Variants in MCM3AP observed in about 807,000 individuals in gnomAD.
MCM3AP encodes minichromosome maintenance complex component 3 associated protein, also known as germinal-center associated nuclear protein.
A neutral mutation model predicts 184.1 loss-of-function variants in MCM3AP; 126 were observed. The ratio of observed to expected loss-of-function variants is 0.68; its 90% CI spans 0.59 to 0.79. MCM3AP has a LOEUF of 0.79. Ranked by LOEUF, MCM3AP falls within the 30% of genes least tolerant of loss-of-function variation. The probability of loss-of-function intolerance (pLI) is 0.00; values close to 1 mark genes in which losing one functional copy is unlikely to be tolerated. For synonymous variants in MCM3AP, 1,002 were observed against 979.3 expected, an observed-to-expected ratio of 1.02 and a Z score of -0.43; for missense variants, 2,496 against 2,479.2, an observed-to-expected ratio of 1.01 and a Z score of -0.14.
chr21:46,275,462 T>C (rs2081244244), intron 5 of MCM3AP, 137 bp from the exon 6 acceptor site: 5 of 783,604 alleles, frequency 6.4e-6, no homozygotes, highest in Non-Finnish European at 9.7e-6. Flanking sequence ...AAAACATTTG[T>C]AAAACTCAGA....
Position 46,236,899 on chromosome 21 carries a change from G to C in MCM3AP, c.5714C>G (p.Pro1905Arg). The C allele has an allele frequency of 6.4e-7, 1 of 1,564,492 alleles. No individual in the cohort carries two copies. The highest frequency in any genetic ancestry group is 8.6e-7 in the Non-Finnish European group (1 of 1,160,684). The change falls in exon 27 of 28, where the codon CCT becomes CGT. Residue 1905 changes from proline to arginine, a missense_variant. By Grantham distance (103) the Pro-to-Arg change is moderately radical (BLOSUM62 -2). Coordinates refer to ENST00000291688, the MANE Select transcript of MCM3AP (RefSeq NM_003906.5). ...GTGAGAAAGAGACACTAGAGTCTGAGGAAGATAGAGGGGAAGGGAAGTTAA... is the reference window on the plus strand; with the variant it reads ...GTGAGAAAGAGACACTAGAGTCTGACGAAGATAGAGGGGAAGGGAAGTTAA... ...TDLTSLPLYL[P>R]QTLVSLSHTI...
chr21:46,270,627 A>C, intron 8 of MCM3AP, 64 bp from the exon 9 acceptor site: 2 of 1,350,786 alleles, frequency 1.5e-6, no homozygotes, highest in East Asian at 4.7e-5. Context: ...ATTTTCATGA[A>C]GATAGATCTG....
At chr21:46,270,668 G>T in intron 8 of MCM3AP, 105 bp from the exon 9 acceptor site, 2 of 1,020,470 alleles carry the variant, frequency 2.0e-6, no homozygotes, top group Non-Finnish European at 2.9e-6. Flanking sequence ...GCCAGATGCA[G>T]TGGCTCACAC....
chr21:46,273,357 T>C (rs1451095053), intron 7 of MCM3AP, 31 bp downstream of exon 7: 1 of 1,598,560 alleles, frequency 6.3e-7, no homozygotes, highest in African/African-American at 1.3e-5. Flanking sequence ...TGCGTGGATT[T>C]TTTAGCATCC....
chr21:46,261,280 C>G lies in MCM3AP; in HGVS notation c.3467G>C (p.Arg1156Thr). The change falls in exon 14 of 28, where the codon AGG (arginine) becomes ACG (threonine). Residue 1156 changes from arginine (R) to threonine (T), a missense_variant and splice_region_variant. Physicochemically the swap from Arg to Thr is moderately conservative, Grantham distance 71. Transcript: ENST00000291688. ...EQERQRAEEE[R>T]LKQERELVLS... ...GGCTGCATGGACAAGACACACTTAC[C>G]TTTCCTCTTCAGCCCGCTGCCTCTC... The G allele has an allele frequency of 1.2e-6, 2 of 1,613,968 alleles. No individual in the cohort carries two copies. The highest frequency in any genetic ancestry group is 1.7e-5 in the Admixed American group (1 of 60,022).
chr21:46,270,287 TGACACA>T, intron 9 of MCM3AP, 108 bp downstream of exon 9: 1 of 987,834 alleles, frequency 1.0e-6, no homozygotes, highest in East Asian at 2.5e-5. Flanking sequence ...GCTGCAAGGG[TGACACA>T]GCATCAGCCT....
At chr21:46,280,619 A>G in intron 2 of MCM3AP, 44 bp from the exon 3 acceptor site, 1 of 1,354,494 alleles carries the variant, frequency 7.4e-7, no homozygotes, top group Non-Finnish European at 1.1e-6. Flanking sequence ...ATATCAGGAA[A>G]CCAAAGGAAA....
At position 46,264,169 on chromosome 21, in the gene MCM3AP, C is replaced by A. The variant is rs766687919; in HGVS notation, c.3283G>T (p.Asp1095Tyr). ...CCCGCAGAGCCAACTTCCTCACAGT[C>A]CCTCTGCAGGGCCTCCTGGATGAGC... ...DELIQEALQRDCEEVGSAGAA... is the reference protein window; with the variant it reads ...DELIQEALQRYCEEVGSAGAA... Residue 1095 changes from aspartate to tyrosine, a missense_variant, in exon 13 of 28, where the codon GAC becomes TAC. Asp to Tyr is a radical substitution (Grantham distance 160, BLOSUM62 -3). Coordinates refer to ENST00000291688, the MANE Select transcript of MCM3AP (RefSeq NM_003906.5). 4.3e-6 allele frequency: 7 copies of A among 1,613,948 alleles called. No homozygotes were observed. The highest frequency in any genetic ancestry group is 5.9e-6 in the Non-Finnish European group (7 of 1,179,972).
intron 20 of MCM3AP, chr21:46,249,634 G>C (rs770153530): frequency 4.4e-6 from 2 of 450,036 alleles, no homozygotes; most frequent in East Asian, 1.4e-4. Flanking sequence ...AAAAGACTCA[G>C]AAAATTCCCC....
chr21:46,269,659 G>A (rs545120704), intron 9 of MCM3AP, among the ~76,000 whole-genome samples: 87 of 152,254 alleles, frequency 5.7e-4, no homozygotes, highest in African/African-American at 1.9e-3. Context: ...TCCTCCCCAC[G>A]CTGTGGCCAC....
intron 12 of MCM3AP, among the ~76,000 whole-genome samples, chr21:46,264,423 C>T (rs1446985144): frequency 6.6e-6 from 1 of 152,166 alleles, no homozygotes; most frequent in Non-Finnish European, 1.5e-5. Flanking sequence ...CGGATGGCCA[C>T]ACAGCGCCCT....
chr21:46,251,606 C>T lies in MCM3AP; in HGVS notation c.4213G>A (p.Gly1405Arg), dbSNP rs1255945490. 2 of 1,612,314 alleles carry T rather than the reference C, an allele frequency of 1.2e-6. No individual in the cohort carries two copies. The highest frequency in any genetic ancestry group is 1.7e-6 in the Non-Finnish European group (2 of 1,178,460). Residue 1405 changes from glycine to arginine, a missense_variant, in exon 20 of 28, where the codon GGG becomes AGG. Transcript: ENST00000291688. ...SVDDTSSDAGGIQTLSLFNSL... is the reference protein window; with the variant it reads ...SVDDTSSDAGRIQTLSLFNSL... ...TTGAAAAGCGAAAGCGTCTGAATCCCACCAGCATCGCTGGATGTGTCATCC... is the reference window on the plus strand; with the variant it reads ...TTGAAAAGCGAAAGCGTCTGAATCCTACCAGCATCGCTGGATGTGTCATCC...
intron 27 of MCM3AP, 57 bp downstream of exon 27, chr21:46,236,772 G>T: frequency 1.7e-6 from 2 of 1,205,814 alleles, no homozygotes; most frequent in Non-Finnish European, 2.3e-6. Context: ...TTTTTCCCCA[G>T]CCATTCTCTC....
chr21:46,236,806 C>A (rs1388105742), intron 27 of MCM3AP, 23 bp downstream of exon 27: 2 of 1,495,166 alleles, frequency 1.3e-6, no homozygotes, highest in Admixed American at 5.0e-5. Flanking sequence ...TATGTAAATG[C>A]CAAATGTATA....
At chr21:46,242,166 A>G (rs1186925034) in intron 25 of MCM3AP, 1 of 152,606 alleles carries the variant, frequency 6.6e-6, no homozygotes, top group Non-Finnish European at 1.5e-5. Flanking sequence ...TGTCTATCCC[A>G]CATCCCTGTA....
chr21:46,273,003 T>G (rs1374880576), intron 7 of MCM3AP, among the ~76,000 whole-genome samples, 174 bp from the exon 8 acceptor site: 1 of 152,064 alleles, frequency 6.6e-6, no homozygotes, highest in Non-Finnish European at 1.5e-5. Flanking sequence ...GTTTGTTTTT[T>G]TTTTTGAGAC....
chr21:46,255,637 G>A (rs544669022), intron 17 of MCM3AP, among the ~76,000 whole-genome samples: 6 of 152,132 alleles, frequency 3.9e-5, no homozygotes, highest in Non-Finnish European at 8.8e-5. Flanking sequence ...CAGGTTTAGA[G>A]GTTGAACTGC....
At chr21:46,265,829 C>A (rs2081104373) in intron 11 of MCM3AP, 96 bp downstream of exon 11, 2 of 1,420,816 alleles carry the variant, frequency 1.4e-6, no homozygotes, top group Non-Finnish European at 1.9e-6. Context: ...TCCTGGGAGG[C>A]GTCCTGGCGA....
In MCM3AP at chr21:46,238,164, A is replaced by C. The variant is rs1405813759; in HGVS notation, c.5634-1185T>G. Among the ~76,000 whole-genome samples, 2 of 118,854 alleles carry C rather than the reference A, an allele frequency of 1.7e-5. 1 individual carries two copies. Among genetic ancestry groups the C allele is most frequent in the Non-Finnish European group, 3.5e-5 (2 of 56,406 alleles). The allele number at this position is 118,854 out of a possible 152,430, so 78.0% of individuals were successfully genotyped here. A position where few individuals can be genotyped will look rare whatever the true frequency, so the allele number is the denominator to read the frequency against. ...TAATTTATAAATCCAATTCCAATTT[A>C]TATTTAATGAAAAAGGTGGTATTAA... On this transcript the variant is annotated intron_variant, in intron 26 of 27. Coordinates refer to ENST00000291688, the MANE Select transcript of MCM3AP (RefSeq NM_003906.5).
Sources: gnomAD v4.1 joint callset for allele counts (sites outside exome capture counted in the v4.1 genomes callset) on GRCh38, gnomAD v4.1.1 for gene constraint, MANE v1.5 for transcripts, NCBI Gene and HGNC (gene_info 2026-07-23, HGNC 2026-07-21) for gene names.